Variants in CAMTA1 observed in about 807,000 individuals in gnomAD.
The protein encoded by CAMTA1 is calmodulin binding transcription activator 1.
Under a neutral mutation model 170.9 loss-of-function variants are expected in CAMTA1, and 27 were observed. That is an observed-to-expected ratio of 0.16 (90% CI 0.12 to 0.22). CAMTA1 has a LOEUF of 0.22. Ranked by LOEUF, CAMTA1 falls within the 10% of genes least tolerant of loss-of-function variation. CAMTA1 has a pLI of 1.00. For missense variants in CAMTA1, 1,619 were observed against 2,217.2 expected (o/e 0.73, Z 5.42); for synonymous variants, 833 against 891.5 (o/e 0.93, Z 1.17).
intron 6 of CAMTA1, among the ~76,000 whole-genome samples, chr1:7,496,866 G>C (rs890371971): frequency 1.3e-5 from 2 of 151,798 alleles, no homozygotes; most frequent in Non-Finnish European, 2.9e-5. Flanking sequence ...GCTAGTCACT[G>C]CACGGTCAGC....
At chr1:7,371,673 C>T (rs1324131087) in intron 5 of CAMTA1, among the ~76,000 whole-genome samples, 1 of 152,196 alleles carries the variant, frequency 6.6e-6, no homozygotes, top group African/African-American at 2.4e-5. Context: ...TCAGGAATGG[C>T]CCGGCCTCTG....
intron 4 of CAMTA1, among the ~76,000 whole-genome samples, chr1:7,153,022 C>T (rs1014040667): frequency 1.1e-4 from 17 of 152,172 alleles, no homozygotes; most frequent in Non-Finnish European, 2.2e-4. Context: ...CAGCAGAAAA[C>T]GCCAGAGCCT....
rs113954471 is a variant in CAMTA1, at chr1:7,444,222, G to A, written c.439-23608G>A. Among the ~76,000 whole-genome samples the A allele has an allele frequency of 7.9e-4, 121 of 152,288 alleles. 2 individuals are homozygous for A. The highest frequency in any genetic ancestry group is 2.8e-3 in the African/African-American group (118 of 41,558). ...TCTTCATCTGTCATGTCCTTCCTCT[G>A]GAGTGTGGCCTCAGGGCTGTATCCA... On this transcript the variant is annotated intron_variant, in intron 5 of 22. Transcript: ENST00000303635.
intron 3 of CAMTA1, among the ~76,000 whole-genome samples, chr1:6,972,803 G>A (rs142077693): frequency 3.3e-5 from 5 of 152,262 alleles, no homozygotes; most frequent in South Asian, 2.1e-4. Flanking sequence ...AATGCTAAAC[G>A]TGAACTCCAT....
intron 3 of CAMTA1, among the ~76,000 whole-genome samples, chr1:7,026,207 G>A (rs889319820): frequency 3.3e-5 from 5 of 152,130 alleles, no homozygotes; most frequent in Non-Finnish European, 7.4e-5. Context: ...TCCCAGCAAG[G>A]GACCTGCAAG....
intron 6 of CAMTA1, among the ~76,000 whole-genome samples, chr1:7,504,994 C>T (rs1451158615): frequency 2.7e-5 from 4 of 149,830 alleles, no homozygotes; most frequent in South Asian, 2.2e-4. Context: ...TTCAGTGTAG[C>T]GCACAGCCTC....
rs1700266122 is a variant in CAMTA1, at chr1:7,014,559, A to T, written c.235-76745A>T. Among the ~76,000 whole-genome samples, 1 of 152,234 alleles carries T rather than the reference A, an allele frequency of 6.6e-6. No homozygotes were observed. Among genetic ancestry groups the T allele is most frequent in the South Asian group, 2.1e-4 (1 of 4,834 alleles). On this transcript the variant is annotated intron_variant, in intron 3 of 22. Coordinates refer to ENST00000303635, the MANE Select transcript of CAMTA1 (RefSeq NM_015215.4). The surrounding 1 kb of genome is among the most constrained non-coding windows in gnomAD (Gnocchi z 4.2). ...CTTTCTGTAACTAAAGCCCAGCCCAAGTATAGGGAGCAATGGCCGAGCTTC... is the reference window on the plus strand; with the variant it reads ...CTTTCTGTAACTAAAGCCCAGCCCATGTATAGGGAGCAATGGCCGAGCTTC...
intron 3 of CAMTA1, among the ~76,000 whole-genome samples, chr1:7,004,028 G>A (rs989265608): frequency 1.3e-5 from 2 of 152,198 alleles, no homozygotes; most frequent in Non-Finnish European, 2.9e-5. Context: ...GCACAAGAAC[G>A]CGTTTGGTTA....
chr1:7,475,526 G>A (rs959826404), intron 6 of CAMTA1, among the ~76,000 whole-genome samples: 14 of 152,208 alleles, frequency 9.2e-5, no homozygotes, highest in Non-Finnish European at 7.3e-5. Flanking sequence ...GCACCATCCC[G>A]CAGCCCAGCC....
In CAMTA1 at chr1:7,008,944, G is replaced by C. The variant is rs527804323; in HGVS notation, c.235-82360G>C. Among the ~76,000 whole-genome samples, 151 of 152,328 alleles carry C rather than the reference G, an allele frequency of 9.9e-4. 4 individuals are homozygous for C. The highest frequency in any genetic ancestry group is 9.8e-3 in the Admixed American group (150 of 15,306). On this transcript the variant is annotated intron_variant, in intron 3 of 22. Transcript: ENST00000303635. ...GAACTAAGGGAAATAAACAGACTTC[G>C]AGGCCTCCTGCTGGCTTCCAATGGG...
chr1:7,703,873 A>G (rs960371988), intron 11 of CAMTA1, among the ~76,000 whole-genome samples: 15 of 152,140 alleles, frequency 9.9e-5, no homozygotes, highest in Non-Finnish European at 1.3e-4. Flanking sequence ...GGCCGGGGCG[A>G]GAGACCCTCA....
At chr1:7,057,979 G>A (rs1253849132) in intron 3 of CAMTA1, among the ~76,000 whole-genome samples, 1 of 152,174 alleles carries the variant, frequency 6.6e-6, no homozygotes, top group Non-Finnish European at 1.5e-5. Context: ...ATGTGTGGTG[G>A]GGAGTAAGAG....
chr1:7,615,115 C>T (rs1409629888), intron 6 of CAMTA1, among the ~76,000 whole-genome samples: 4 of 152,190 alleles, frequency 2.6e-5, no homozygotes, highest in Non-Finnish European at 2.9e-5. Context: ...GAATGTTGCA[C>T]GAATGCCCTG....
intron 6 of CAMTA1, among the ~76,000 whole-genome samples, chr1:7,610,069 C>G (rs1411767523): frequency 6.6e-6 from 1 of 152,220 alleles, no homozygotes; most frequent in African/African-American, 2.4e-5. Flanking sequence ...GGACGTTTCT[C>G]TGCCAGATTC....
chr1:7,366,096 GGGACT>G (rs2085947694), intron 5 of CAMTA1, among the ~76,000 whole-genome samples: 1 of 152,232 alleles, frequency 6.6e-6, no homozygotes, highest in Non-Finnish European at 1.5e-5. Context: ...ACTTGGCACA[GGGACT>G]GGCATGGGGC....
chr1:7,381,453 T>C (rs1429490268), intron 5 of CAMTA1, among the ~76,000 whole-genome samples: 2 of 151,644 alleles, frequency 1.3e-5, no homozygotes, highest in East Asian at 1.9e-4. Flanking sequence ...TGATTTCCAA[T>C]TTCATCCATG....
At chr1:7,433,641 A>T (rs1236853827) in intron 5 of CAMTA1, among the ~76,000 whole-genome samples, 1 of 152,234 alleles carries the variant, frequency 6.6e-6, no homozygotes, top group East Asian at 1.9e-4. Context: ...AAACAAGCCA[A>T]TCCCAGAAGG....
chr1:7,068,423 T>C (rs558616069), intron 3 of CAMTA1, among the ~76,000 whole-genome samples: 169 of 151,962 alleles, frequency 1.1e-3, no homozygotes, highest in Admixed American at 2.2e-3. Context: ...GAGTTTAAAT[T>C]TGGTGACTAC....
chr1:7,128,556 A>C lies in CAMTA1; in HGVS notation c.302+37185A>C, dbSNP rs190457282. Among the ~76,000 whole-genome samples the C allele has an allele frequency of 4.6e-5, 7 of 152,348 alleles. 1 individual carries two copies. The highest frequency in any genetic ancestry group is 4.6e-4 in the Admixed American group (7 of 15,300). On this transcript the variant is annotated intron_variant, in intron 4 of 22. Coordinates refer to ENST00000303635, the MANE Select transcript of CAMTA1 (RefSeq NM_015215.4). ...GGAGGATTCGGTGTGAGATGGGCTAAGAAAAGTCAGATCATGTCAGGCCTT... is the reference window on the plus strand; with the variant it reads ...GGAGGATTCGGTGTGAGATGGGCTACGAAAAGTCAGATCATGTCAGGCCTT...
Sources: gnomAD v4.1 joint callset for allele counts (sites outside exome capture counted in the v4.1 genomes callset) on GRCh38, gnomAD v4.1.1 for gene constraint, Gnocchi (gnomAD v3.1) non-coding constraint, MANE v1.5 for transcripts, NCBI Gene and HGNC (gene_info 2026-07-23, HGNC 2026-07-21) for gene names.